Variants in TESK1 observed in about 807,000 individuals in gnomAD.
The protein encoded by TESK1 is dual specificity testis-specific protein kinase 1.
TESK1 carries 18 observed loss-of-function variants against 59.9 expected under a neutral mutation model. That is an observed-to-expected ratio of 0.30 (90% CI 0.21 to 0.45). TESK1 has a LOEUF of 0.45. TESK1 is among the 20% of genes least tolerant of loss of function. The probability of loss-of-function intolerance (pLI) is 1.00; values close to 1 mark genes in which losing one functional copy is unlikely to be tolerated. For missense variants in TESK1, 748 were observed against 840.9 expected, an observed-to-expected ratio of 0.89 and a Z score of 1.37; for synonymous variants, 341 against 357.4, an observed-to-expected ratio of 0.95 and a Z score of 0.52.
chr9:35,608,898 C>T lies in TESK1; in HGVS notation c.1037C>T (p.Pro346Leu), dbSNP rs1313447235. Reference sequence around the variant, plus strand: ...AGAGGGGGTCCCTCTGCCACGCTTCCCAGGCCAGATCCCCGGCTTTCCCGA... The same window carrying T: ...AGAGGGGGTCCCTCTGCCACGCTTCTCAGGCCAGATCCCCGGCTTTCCCGA... Reference protein sequence around the residue: ...VARGGPSATLPRPDPRLSRSR... With the variant: ...VARGGPSATLLRPDPRLSRSR... The change falls in exon 10 of 10, where the codon CCC (proline) becomes CTC (leucine). Residue 346 changes from proline to leucine, a missense_variant. Pro to Leu is a moderately conservative substitution (Grantham distance 98, BLOSUM62 -3). This residue lies in a region of TESK1 where 447 missense variants were observed against 466.1 expected (regional missense o/e 0.96). Coordinates refer to ENST00000336395, the MANE Select transcript of TESK1 (RefSeq NM_006285.3). The T allele has an allele frequency of 1.9e-6, 3 of 1,608,092 alleles. No homozygotes were observed. Among genetic ancestry groups the T allele is most frequent in the Non-Finnish European group, 2.6e-6 (3 of 1,176,428 alleles).
In TESK1 at chr9:35,606,855, T is replaced by C. The variant is rs751023810; in HGVS notation, c.409T>C (p.Leu137=). 3.2e-5 allele frequency: 52 copies of C among 1,610,290 alleles called. No homozygotes were observed. Among genetic ancestry groups the C allele is most frequent in the Non-Finnish European group, 4.2e-5 (49 of 1,178,386 alleles). Residue 137 remains leucine (L), a synonymous_variant, in exon 4 of 10, where the codon TTG becomes CTG. Transcript: ENST00000336395. ...GCACCAGTATATGAATGGGGGGACA[T>C]TGGAACAGCTGCTCAGCTCCCCTGA... The part of the protein sequence containing the change: ...ALTEYMNGGT[L]EQLLSSPEPL...
In TESK1 at chr9:35,609,910, C is replaced by T. The variant is rs1822945655; in HGVS notation, c.*168C>T. The T allele has an allele frequency of 4.0e-6, 3 of 759,162 alleles. No individual in the cohort carries two copies. 47.0% of individuals were successfully genotyped at this position (759,162 alleles called of 1,614,324 possible). On this transcript the variant is annotated 3_prime_UTR_variant, in exon 10 of 10. Transcript: ENST00000336395. This position sits in a 1 kb window ranked among gnomAD's most constrained non-coding sequence, Gnocchi z 6.7. ...GGGACAGAGCACTTCCAGTCGACCC[C>T]CCGGCTCGCGTTCCCGTGGGGATCA...
rs748685983 is a variant in TESK1 at position 35,609,516 on chromosome 9, C to G, written c.1655C>G (p.Pro552Arg). 200 of 1,609,600 alleles carry G rather than the reference C, an allele frequency of 1.2e-4. No homozygotes were observed. The highest frequency in any genetic ancestry group is 2.8e-4 in the Admixed American group (17 of 59,688). Residue 552 changes from proline to arginine, a missense_variant, in exon 10 of 10, where the codon CCC becomes CGC. Physicochemically the swap from Pro to Arg is moderately radical, Grantham distance 103. Around this residue, in one of 3 missense-constraint regions of TESK1, gnomAD observed 447 missense variants for 466.1 expected, o/e 0.96. Coordinates refer to ENST00000336395, the MANE Select transcript of TESK1 (RefSeq NM_006285.3). The surrounding 1 kb of genome is among the most constrained non-coding windows in gnomAD (Gnocchi z 6.7). ...GCGGCAGCCCTGGAGCGGACAGAAC[C>G]CTCGCCACCCCCTTCAGCTCCCCGG... ...PRAAALERTE[P>R]SPPPSAPREP... is the part of the protein sequence containing the mutation.
Position 35,605,794 on chromosome 9 carries a change from T to C in TESK1, c.175T>C (p.Cys59Arg). The change falls in exon 1 of 10, where the codon TGC becomes CGC. Residue 59 changes from cysteine (C) to arginine (R), a missense_variant. Physicochemically the swap from Cys to Arg is radical, Grantham distance 180. Transcript: ENST00000336395. ...SSLARVDDFH[C>R]AEKIGAGFFS... is the part of the protein sequence containing the mutation. ...CCTGGCGCGTGTGGACGATTTTCAC[T>C]GCGCGGAGAAGATCGGGGCCGGCTT... 1 of 1,611,618 alleles carries C rather than the reference T, an allele frequency of 6.2e-7. No individual in the cohort carries two copies. The highest frequency in any genetic ancestry group is 8.5e-7 in the Non-Finnish European group (1 of 1,179,434).
At position 35,605,701 on chromosome 9, in the gene TESK1, G is replaced by C. The variant is rs1402118097; in HGVS notation, c.82G>C (p.Gly28Arg). 3 of 1,506,528 alleles carry C rather than the reference G, an allele frequency of 2.0e-6. No homozygotes were observed. The South Asian group carries it at 3.7e-5, about 18-fold the overall frequency. 93.3% of individuals were successfully genotyped at this position (1,506,528 alleles called of 1,614,324 possible). The change falls in exon 1 of 10, where the codon GGC (glycine) becomes CGC (arginine). Residue 28 changes from glycine (G) to arginine (R), a missense_variant. Gly to Arg is a moderately radical substitution (Grantham distance 125). This residue lies in a region of TESK1 where 133 missense variants were observed against 117.4 expected (regional missense o/e 1.13). Coordinates refer to ENST00000336395, the MANE Select transcript of TESK1 (RefSeq NM_006285.3). Reference sequence around the variant, plus strand: ...GGGGGAGGGGCCCCCGGGGCCGGGGGGCACGGGCGGAGGCCCGGGCCGGGG... The same window carrying C: ...GGGGGAGGGGCCCCCGGGGCCGGGGCGCACGGGCGGAGGCCCGGGCCGGGG... ...VPGEGPPGPG[G>R]TGGGPGRGRP...
At position 35,605,625 on chromosome 9, in the gene TESK1, C is replaced by T; in HGVS notation, c.6C>T (p.Ala2=). Residue 2 remains alanine (A), a synonymous_variant, in exon 1 of 10, where the codon GCC becomes GCT. Transcript: ENST00000336395. The part of the protein sequence containing the change: M[A]GERPPLRGPG... The stretch of plus-strand genomic sequence containing the variant: ...CCCGGGCTGGGGGCCCGGCCATGGC[C>T]GGGGAACGGCCCCCACTGCGGGGCC... The T allele has an allele frequency of 8.5e-7, 1 of 1,172,454 alleles. No homozygotes were observed. The allele number at this position is 1,172,454 out of a possible 1,614,324, so 72.6% of individuals were successfully genotyped here. A position where few individuals can be genotyped will look rare whatever the true frequency, so the allele number is the denominator to read the frequency against.
chr9:35,606,343 G>C, intron 3 of TESK1, 58 bp downstream of exon 3: 1 of 1,597,692 alleles, frequency 6.3e-7, no homozygotes, highest in Non-Finnish European at 8.6e-7. Flanking sequence ...AGGATAAAGG[G>C]AGTCAACAGG....
chr9:35,607,866 T>A lies in TESK1; in HGVS notation c.712-62T>A. 1 of 1,584,572 alleles carries A rather than the reference T, an allele frequency of 6.3e-7. No homozygotes were observed. Among genetic ancestry groups the A allele is most frequent in the South Asian group, 1.1e-5 (1 of 90,042 alleles). On this transcript the variant is annotated intron_variant, in intron 6 of 9. Transcript: ENST00000336395. This position sits in a 1 kb window ranked among gnomAD's most constrained non-coding sequence, Gnocchi z 4.5. ...CCCTCAACCAAATTCTGCTATATTC[T>A]GTCAAAATTCTGAAATGAAAACTGT...
Position 35,609,446 on chromosome 9 carries a change from T to C in TESK1, c.1585T>C (p.Trp529Arg). 6.2e-7 allele frequency: 1 copy of C among 1,608,122 alleles called. No homozygotes were observed. The highest frequency in any genetic ancestry group is 2.2e-5 in the East Asian group (1 of 44,768). Residue 529 changes from tryptophan to arginine, a missense_variant, in exon 10 of 10, where the codon TGG becomes CGG. This residue lies in a region of TESK1 where 447 missense variants were observed against 466.1 expected (regional missense o/e 0.96). Coordinates refer to ENST00000336395, the MANE Select transcript of TESK1 (RefSeq NM_006285.3). This position sits in a 1 kb window ranked among gnomAD's most constrained non-coding sequence, Gnocchi z 6.7. ...PAVVVNSPQGWAGEPWNRAQH... is the reference protein window; with the variant it reads ...PAVVVNSPQGRAGEPWNRAQH... Reference sequence around the variant, plus strand: ...TGTGGTGGTGAACTCCCCACAAGGCTGGGCTGGGGAGCCCTGGAACCGGGC... The same window carrying C: ...TGTGGTGGTGAACTCCCCACAAGGCCGGGCTGGGGAGCCCTGGAACCGGGC...
chr9:35,608,756 C>A, intron 9 of TESK1, 106 bp from the exon 10 acceptor site: 1 of 1,349,784 alleles, frequency 7.4e-7, no homozygotes, highest in Non-Finnish European at 1.0e-6. Flanking sequence ...AGGTGGGACT[C>A]CCTTTTTCAA....
Position 35,607,310 on chromosome 9 carries a change from A to G in TESK1, c.538-17A>G. ...AAGGTGATGAGTGCGTGGGGATACT[A>G]TGTGTGTGTGTGTCAGAACTGTCTA... On this transcript the variant is annotated splice_polypyrimidine_tract_variant and intron_variant, in intron 4 of 9. Coordinates refer to ENST00000336395, the MANE Select transcript of TESK1 (RefSeq NM_006285.3). This position sits in a 1 kb window ranked among gnomAD's most constrained non-coding sequence, Gnocchi z 4.5. 5.0e-6 allele frequency: 8 copies of G among 1,611,116 alleles called. No homozygotes were observed. The highest frequency in any genetic ancestry group is 2.7e-5 in the African/African-American group (2 of 74,924).
Position 35,607,569 on chromosome 9 carries a change from C to T in TESK1, c.621-13C>T. The T allele has an allele frequency of 6.2e-7, 1 of 1,610,298 alleles. No homozygotes were observed. Among genetic ancestry groups the T allele is most frequent in the Non-Finnish European group, 8.5e-7 (1 of 1,176,762 alleles). On this transcript the variant is annotated splice_polypyrimidine_tract_variant and intron_variant, in intron 5 of 9. Coordinates refer to ENST00000336395, the MANE Select transcript of TESK1 (RefSeq NM_006285.3). The surrounding 1 kb of genome is among the most constrained non-coding windows in gnomAD (Gnocchi z 4.5). ...ATAGGATGCTTCTGACCACTCTGCC[C>T]CTGCCCCTGCAGGGAGGGGGCAAGG...
At position 35,605,302 on chromosome 9, in the gene TESK1, C is replaced by A; in HGVS notation, c.-318C>A. ...GCGGCTAAGCGGAGCAGCCGCCGCCCGCCCGCCCGCCCGCCTCCGCCCGCG... is the reference window on the plus strand; with the variant it reads ...GCGGCTAAGCGGAGCAGCCGCCGCCAGCCCGCCCGCCCGCCTCCGCCCGCG... On this transcript the variant is annotated 5_prime_UTR_variant, in exon 1 of 10. Coordinates refer to ENST00000336395, the MANE Select transcript of TESK1 (RefSeq NM_006285.3). 2 of 148,068 alleles carry A rather than the reference C, an allele frequency of 1.4e-5. No individual in the cohort carries two copies. The highest frequency in any genetic ancestry group is 3.7e-4 in the South Asian group (2 of 5,450). The allele number at this position is 148,068 out of a possible 1,614,324, so 9.2% of individuals were successfully genotyped here. A position where few individuals can be genotyped will look rare whatever the true frequency, so the allele number is the denominator to read the frequency against.
rs2131748019 is a variant in TESK1 at position 35,609,218 on chromosome 9, C to T, written c.1357C>T (p.Pro453Ser). The part of the protein sequence containing the change: ...ELPRRMETAL[P>S]GPGPPAVGPS... The stretch of plus-strand genomic sequence containing the variant: ...CCCCCGCCGTATGGAGACAGCACTG[C>T]CAGGTCCTGGCCCTCCCGCTGTGGG... The change falls in exon 10 of 10, where the codon CCA becomes TCA. Residue 453 changes from proline to serine, a missense_variant. By Grantham distance (74) the Pro-to-Ser change is moderately conservative. Around this residue, in one of 3 missense-constraint regions of TESK1, gnomAD observed 447 missense variants for 466.1 expected, o/e 0.96. Coordinates refer to ENST00000336395, the MANE Select transcript of TESK1 (RefSeq NM_006285.3). This position sits in a 1 kb window ranked among gnomAD's most constrained non-coding sequence, Gnocchi z 6.7. The T allele has an allele frequency of 6.2e-7, 1 of 1,614,056 alleles. No individual in the cohort carries two copies. Among genetic ancestry groups the T allele is most frequent in the Non-Finnish European group, 8.5e-7 (1 of 1,180,034 alleles).
rs1396786352 is a variant in TESK1 at position 35,609,413 on chromosome 9, C to G, written c.1552C>G (p.Pro518Ala). 4.4e-6 allele frequency: 7 copies of G among 1,608,460 alleles called. No homozygotes were observed. The African/African-American group carries it at 9.4e-5, about 21-fold the overall frequency. Residue 518 changes from proline (P) to alanine (A), a missense_variant, in exon 10 of 10, where the codon CCC becomes GCC. Transcript: ENST00000336395. This position sits in a 1 kb window ranked among gnomAD's most constrained non-coding sequence, Gnocchi z 6.7. ...ATCAGGACCCGTCCTCAATAACAAT[C>G]CCCCAGCTGTGGTGGTGAACTCCCC... ...PRSGPVLNNN[P>A]PAVVVNSPQG...
At position 35,605,731 on chromosome 9, in the gene TESK1, C is replaced by G. The variant is rs779342463; in HGVS notation, c.112C>G (p.Pro38Ala). 4.4e-6 allele frequency: 7 copies of G among 1,586,602 alleles called. No individual in the cohort carries two copies. Among genetic ancestry groups the G allele is most frequent in the Non-Finnish European group, 6.0e-6 (7 of 1,166,572 alleles). ...GGGCGGAGGCCCGGGCCGGGGCCGC[C>G]CCTCCTCCTACCGGGCTCTCCGCAG... Reference protein sequence around the residue: ...GTGGGPGRGRPSSYRALRSAV... With the variant: ...GTGGGPGRGRASSYRALRSAV... Residue 38 changes from proline to alanine, a missense_variant, in exon 1 of 10, where the codon CCC (proline) becomes GCC (alanine). Physicochemically the swap from Pro to Ala is conservative, Grantham distance 27. Coordinates refer to ENST00000336395, the MANE Select transcript of TESK1 (RefSeq NM_006285.3).
In TESK1 at chr9:35,609,404, A is replaced by G. The variant is rs1481676798; in HGVS notation, c.1543A>G (p.Asn515Asp). The G allele has an allele frequency of 6.2e-7, 1 of 1,608,954 alleles. No individual in the cohort carries two copies. The highest frequency in any genetic ancestry group is 1.7e-5 in the Admixed American group (1 of 59,658). Reference protein sequence around the residue: ...PWSPRSGPVLNNNPPAVVVNS... With the variant: ...PWSPRSGPVLDNNPPAVVVNS... ...GTCCCCTAGATCAGGACCCGTCCTC[A>G]ATAACAATCCCCCAGCTGTGGTGGT... Residue 515 changes from asparagine to aspartate, a missense_variant, in exon 10 of 10, where the codon AAT becomes GAT. Asn to Asp is a conservative substitution (Grantham distance 23, BLOSUM62 1). This residue lies in a region of TESK1 where 447 missense variants were observed against 466.1 expected (regional missense o/e 0.96). Coordinates refer to ENST00000336395, the MANE Select transcript of TESK1 (RefSeq NM_006285.3). The surrounding 1 kb of genome is among the most constrained non-coding windows in gnomAD (Gnocchi z 6.7).
rs749587026 is a variant in TESK1, at chr9:35,606,355, C to T, written c.390+70C>T. 5 of 1,579,158 alleles carry T rather than the reference C, an allele frequency of 3.2e-6. No homozygotes were observed. The South Asian group carries it at 3.3e-5, about 11-fold the overall frequency. ...CCAAGGATAAAGGGAGTCAACAGGCCTGGTGGATCTACGGAGGACTAGTGA... is the reference window on the plus strand; with the variant it reads ...CCAAGGATAAAGGGAGTCAACAGGCTTGGTGGATCTACGGAGGACTAGTGA... On this transcript the variant is annotated intron_variant, in intron 3 of 9. Transcript: ENST00000336395.
intron 3 of TESK1, 117 bp from the exon 4 acceptor site, chr9:35,606,718 GCA>G (rs1822856566): frequency 1.0e-6 from 1 of 991,522 alleles, no homozygotes; most frequent in East Asian, 2.5e-5. Context: ...GGGTCCTACA[GCA>G]CAGTCTTACC....
Sources: gnomAD v4.1 joint callset for allele counts on GRCh38, gnomAD v4.1.1 for gene constraint, gnomAD v4.1.1 regional missense constraint, Gnocchi (gnomAD v3.1) non-coding constraint, MANE v1.5 for transcripts, NCBI Gene and HGNC (gene_info 2026-07-23, HGNC 2026-07-21) for gene names.